DNAJC6: variants seen among roughly 807,000 people sequenced by gnomAD.
DNAJC6 encodes the protein DnaJ heat shock protein family (Hsp40) member C6.
A neutral mutation model predicts 110.0 loss-of-function variants in DNAJC6; 34 were observed. That is an observed-to-expected ratio of 0.31 (90% CI 0.24 to 0.41). DNAJC6 has a LOEUF of 0.41. DNAJC6 is among the 10% of genes least tolerant of loss of function. DNAJC6 has a pLI of 1.00. For missense variants in DNAJC6, 1,031 were observed against 1,207.8 expected (o/e 0.85, Z 2.17); for synonymous variants, 406 against 437.2 (o/e 0.93, Z 0.89).
intron 7 of DNAJC6, 67 bp downstream of exon 7, chr1:65,385,973 T>A (rs1645868217): frequency 7.2e-7 from 1 of 1,380,734 alleles, no homozygotes; most frequent in African/African-American, 1.4e-5. Flanking sequence ...CAGGAATGAG[T>A]TGAATCATAT....
chr1:65,408,923 G>T, intron 17 of DNAJC6, 140 bp downstream of exon 17: 1 of 1,057,042 alleles, frequency 9.5e-7, no homozygotes, highest in Non-Finnish European at 1.3e-6. Context: ...CCATAAACTA[G>T]GTGGCTTATA....
At position 65,389,431 on chromosome 1, in the gene DNAJC6, G is replaced by A; in HGVS notation, c.1369G>A (p.Asp457Asn). 2 of 1,614,084 alleles carry A rather than the reference G, an allele frequency of 1.2e-6. No individual in the cohort carries two copies. Among genetic ancestry groups the A allele is most frequent in the Admixed American group, 1.7e-5 (1 of 60,016 alleles). Residue 457 changes from aspartate to asparagine, a missense_variant, in exon 10 of 19, where the codon GAT (aspartate) becomes AAT (asparagine). Coordinates refer to ENST00000371069, the MANE Select transcript of DNAJC6 (RefSeq NM_001256864.2). ...ILFSSHQEHQDTLALGGQAPI... is the reference protein window; with the variant it reads ...ILFSSHQEHQNTLALGGQAPI... ...CTTCTCTTCTCACCAGGAACATCAA[G>A]ATACGCTGGCCTTAGGAGGTATGAG...
At chr1:65,264,986 G>T in intron 1 of DNAJC6, 1 of 1,546,818 alleles carries the variant, frequency 6.5e-7, no homozygotes, top group East Asian at 2.2e-5. Context: ...GCTAAAAGAT[G>T]CTAGGGATGC....
chr1:65,341,485 C>T (rs1408466617), intron 1 of DNAJC6, among the ~76,000 whole-genome samples: 1 of 152,160 alleles, frequency 6.6e-6, no homozygotes, highest in Non-Finnish European at 1.5e-5. Context: ...AGAACAGATG[C>T]TGCTAATGAC....
intron 12 of DNAJC6, among the ~76,000 whole-genome samples, chr1:65,394,564 A>G (rs1570368545): frequency 6.6e-6 from 1 of 152,356 alleles, no homozygotes; most frequent in East Asian, 1.9e-4. Context: ...ATAAATTGAT[A>G]TTTTAAATGT....
chr1:65,358,859 T>G (rs1570322476), intron 1 of DNAJC6, among the ~76,000 whole-genome samples: 1 of 152,328 alleles, frequency 6.6e-6, no homozygotes, highest in Non-Finnish European at 1.5e-5. Context: ...ATACCATCCT[T>G]CTTTTGATGA....
intron 1 of DNAJC6, among the ~76,000 whole-genome samples, chr1:65,360,646 G>A (rs989898312): frequency 2.6e-5 from 4 of 152,112 alleles, no homozygotes; most frequent in African/African-American, 9.7e-5. Flanking sequence ...TTTACATGGT[G>A]GGGTGTGTTT....
At chr1:65,366,613 G>A (rs1199280550) in intron 4 of DNAJC6, among the ~76,000 whole-genome samples, 6 of 152,112 alleles carry the variant, frequency 3.9e-5, no homozygotes, top group African/African-American at 9.7e-5. Flanking sequence ...GTACTGACAA[G>A]TATTAATGGG....
chr1:65,345,544 C>T, intron 1 of DNAJC6: 1 of 528,014 alleles, frequency 1.9e-6, no homozygotes, highest in Non-Finnish European at 2.4e-6. Flanking sequence ...TTTGCAAATC[C>T]TAGGTTCTTT....
chr1:65,294,824 G>A (rs771282431), intron 1 of DNAJC6, among the ~76,000 whole-genome samples: 46 of 152,178 alleles, frequency 3.0e-4, no homozygotes, highest in Non-Finnish European at 5.6e-4. Flanking sequence ...GCTGGACAAT[G>A]TTTTGCTTAA....
At chr1:65,304,936 C>T (rs1263844643), upstream of DNAJC6, among the ~76,000 whole-genome samples, 1 of 152,232 alleles carries the variant, frequency 6.6e-6, no homozygotes, top group Non-Finnish European at 1.5e-5. Context: ...CGACAAAACA[C>T]ATCTGGGAGT....
intron 1 of DNAJC6, among the ~76,000 whole-genome samples, chr1:65,335,743 C>G (rs1433695834): frequency 6.6e-6 from 1 of 152,104 alleles, no homozygotes; most frequent in Admixed American, 6.6e-5. Context: ...AGGCCTGTTC[C>G]TATAGAGCCT....
chr1:65,401,732 C>A, intron 14 of DNAJC6, 29 bp from the exon 15 acceptor site: 1 of 1,594,490 alleles, frequency 6.3e-7, no homozygotes, highest in Non-Finnish European at 8.5e-7. Context: ...ACAACTAACT[C>A]ATTTTCAATG....
intron 5 of DNAJC6, among the ~76,000 whole-genome samples, chr1:65,381,735 T>A (rs532698377): frequency 1.6e-3 from 245 of 152,318 alleles, no homozygotes; most frequent in African/African-American, 5.6e-3. Context: ...ATCCTTTTTT[T>A]AAAACTGTGT....
Position 65,384,306 on chromosome 1 carries a change from A to T in DNAJC6, c.780A>T (p.Gly260=). Residue 260 remains glycine (G), a synonymous_variant, in exon 6 of 19, where the codon GGA becomes GGT. Transcript: ENST00000371069. ...TATATGCAAAGCGACCAGGAATTGG[A>T]CTTTCACCATCCCATAGGAGGTAAA... ...RLLYAKRPGI[G]LSPSHRRYLG... is the part of the protein sequence containing the mutation. 1.3e-6 allele frequency: 2 copies of T among 1,576,556 alleles called. No individual in the cohort carries two copies. Among genetic ancestry groups the T allele is most frequent in the Non-Finnish European group, 1.7e-6 (2 of 1,164,018 alleles).
In DNAJC6 at chr1:65,392,849, C is replaced by G. The variant is rs1645942596; in HGVS notation, c.1887C>G (p.Thr629=). 6.6e-7 allele frequency: 1 copy of G among 1,521,118 alleles called. No individual in the cohort carries two copies. Among genetic ancestry groups the G allele is most frequent in the African/African-American group, 1.4e-5 (1 of 71,892 alleles). The allele number at this position is 1,521,118 out of a possible 1,614,324, so 94.2% of individuals were successfully genotyped here. A position where few individuals can be genotyped will look rare whatever the true frequency, so the allele number is the denominator to read the frequency against. ...RSATSTSASP[T]LRVGEGATFD... ...CCACCTCCACCTCTGCGTCTCCAAC[C>G]CTAAGAGTGGGAGAAGGTAATTTTT... The change falls in exon 12 of 19, where the codon ACC becomes ACG. Residue 629 remains threonine, a synonymous_variant. Transcript: ENST00000371069.
At chr1:65,330,105 T>C (rs1645274040) in intron 1 of DNAJC6, among the ~76,000 whole-genome samples, 1 of 152,218 alleles carries the variant, frequency 6.6e-6, no homozygotes. Flanking sequence ...TGGCTTACCT[T>C]TCTCTTTCTA....
intron 18 of DNAJC6, 83 bp from the exon 19 acceptor site, chr1:65,412,841 G>C: frequency 9.0e-7 from 1 of 1,111,732 alleles, no homozygotes; most frequent in South Asian, 1.4e-5. Flanking sequence ...ATTGCTTAGA[G>C]CCCATATATT....
chr1:65,373,786 A>G (rs994950521), intron 4 of DNAJC6, among the ~76,000 whole-genome samples: 1 of 152,076 alleles, frequency 6.6e-6, no homozygotes, highest in Non-Finnish European at 1.5e-5. Flanking sequence ...GTTTAGCTTC[A>G]TATAGTCCCA....
Sources: allele counts gnomAD v4.1 joint callset (sites outside exome capture counted in the v4.1 genomes callset), GRCh38; gene constraint gnomAD v4.1.1; transcripts MANE v1.5; gene names NCBI Gene and HGNC (gene_info 2026-07-23, HGNC 2026-07-21).